Variants in DLGAP1 observed in about 807,000 individuals in gnomAD.
DLGAP1 encodes the protein DLG associated protein 1.
In DLGAP1, 11 loss-of-function variants were observed where a neutral mutation model predicts 90.8. That is an observed-to-expected ratio of 0.12 (90% confidence interval 0.08 to 0.20). DLGAP1 has a LOEUF of 0.20. Ranked by LOEUF, DLGAP1 falls within the 10% of genes least tolerant of loss-of-function variation. DLGAP1 has a pLI of 1.00. For synonymous variants in DLGAP1, 558 were observed against 540.7 expected (o/e 1.03, Z -0.44); for missense variants, 1,050 against 1,333.8 (o/e 0.79, Z 3.31).
chr18:4,311,878 G>T (rs2080408499), intron 1 of DLGAP1, among the ~76,000 whole-genome samples: 1 of 152,126 alleles, frequency 6.6e-6, no homozygotes, highest in Admixed American at 6.5e-5. Context: ...ACCACGCCCG[G>T]CTAATTTTTG....
chr18:3,745,461 G>T (rs2063229144), intron 5 of DLGAP1, among the ~76,000 whole-genome samples: 1 of 152,138 alleles, frequency 6.6e-6, no homozygotes, highest in Admixed American at 6.6e-5. Context: ...GAGAAAGAAG[G>T]CCAGTTAAGG....
intron 9 of DLGAP1, among the ~76,000 whole-genome samples, chr18:3,555,199 T>C (rs759256840): frequency 3.3e-5 from 5 of 152,162 alleles, no homozygotes; most frequent in Non-Finnish European, 7.3e-5. Context: ...TGTTTGACAA[T>C]GGATTTCTTT....
At chr18:3,635,277 C>T (rs958836095) in intron 7 of DLGAP1, among the ~76,000 whole-genome samples, 1 of 152,054 alleles carries the variant, frequency 6.6e-6, no homozygotes, top group Non-Finnish European at 1.5e-5. Flanking sequence ...ACTACAGGCG[C>T]CCGCCACCAC....
chr18:4,033,868 A>C (rs2074841127), intron 2 of DLGAP1, among the ~76,000 whole-genome samples: 1 of 150,094 alleles, frequency 6.7e-6, no homozygotes, highest in South Asian at 2.1e-4. Context: ...CCTCCCGAGT[A>C]GCCGGGACTA....
intron 7 of DLGAP1, among the ~76,000 whole-genome samples, chr18:3,713,211 T>A (rs1400191655): frequency 6.6e-6 from 1 of 152,206 alleles, no homozygotes; most frequent in Non-Finnish European, 1.5e-5. Flanking sequence ...CACAGCCGGA[T>A]CAGCTGAGCT....
At chr18:4,213,808 C>G (rs2077895557) in intron 1 of DLGAP1, among the ~76,000 whole-genome samples, 1 of 152,044 alleles carries the variant, frequency 6.6e-6, no homozygotes, top group African/African-American at 2.4e-5. Flanking sequence ...AGTGACAAGC[C>G]TGACAAGAAG....
intron 9 of DLGAP1, among the ~76,000 whole-genome samples, chr18:3,542,072 G>A (rs944707820): frequency 6.6e-6 from 1 of 152,170 alleles, no homozygotes; most frequent in East Asian, 1.9e-4. Context: ...CATATTTAAT[G>A]CCAGCATTTT....
At chr18:3,932,022 CATA>C in intron 3 of DLGAP1, among the ~76,000 whole-genome samples, 1 of 152,128 alleles carries the variant, frequency 6.6e-6, no homozygotes, top group East Asian at 1.9e-4. Context: ...GCACATCTCC[CATA>C]ATGAGGGCTG....
At chr18:3,900,581 TG>T (rs1296403824) in intron 3 of DLGAP1, among the ~76,000 whole-genome samples, 4 of 151,278 alleles carry the variant, frequency 2.6e-5, no homozygotes, top group Non-Finnish European at 5.9e-5. Context: ...ACAAAAGGAG[TG>T]GAAGAAAGCC....
chr18:3,885,113 G>C (rs947036580), intron 3 of DLGAP1, among the ~76,000 whole-genome samples: 1 of 152,200 alleles, frequency 6.6e-6, no homozygotes, highest in Non-Finnish European at 1.5e-5. Context: ...GTAGACAATT[G>C]CTGGTGGCAC....
chr18:4,067,915 T>C (rs2075392891), intron 2 of DLGAP1, among the ~76,000 whole-genome samples: 2 of 152,100 alleles, frequency 1.3e-5, no homozygotes, highest in South Asian at 2.1e-4. Flanking sequence ...ACCACCTTGG[T>C]TGTATGGTCT....
chr18:3,572,783 T>C (rs1384506457), intron 8 of DLGAP1, among the ~76,000 whole-genome samples: 3 of 152,216 alleles, frequency 2.0e-5, no homozygotes, highest in Middle Eastern at 3.2e-3. Flanking sequence ...CTTTTTATCA[T>C]GTTGATACTT....
At chr18:4,003,801 AAAAT>A (rs2074246742) in intron 3 of DLGAP1, among the ~76,000 whole-genome samples, 1 of 152,208 alleles carries the variant, frequency 6.6e-6, no homozygotes, top group South Asian at 2.1e-4. Context: ...TGTGCACAGA[AAAAT>A]AAAGGCGCTG....
chr18:4,296,204 G>C (rs1389436231), intron 1 of DLGAP1, among the ~76,000 whole-genome samples: 1 of 152,088 alleles, frequency 6.6e-6, no homozygotes, highest in African/African-American at 2.4e-5. Context: ...AATTAAGCAC[G>C]CAGCCTTCCT....
chr18:3,524,256 C>T (rs1280803191), intron 10 of DLGAP1, among the ~76,000 whole-genome samples: 1 of 150,970 alleles, frequency 6.6e-6, no homozygotes, highest in Non-Finnish European at 1.5e-5. Flanking sequence ...GCCTTGGTGA[C>T]AAAGTGAGAC....
chr18:4,450,878 T>C (rs2144908143), intron 1 of DLGAP1, among the ~76,000 whole-genome samples: 1 of 152,290 alleles, frequency 6.6e-6, no homozygotes, highest in African/African-American at 2.4e-5. Context: ...TGATATCTAG[T>C]TCACAATTAG....
intron 1 of DLGAP1, among the ~76,000 whole-genome samples, chr18:4,221,499 A>G (rs2078075628): frequency 6.6e-6 from 1 of 152,084 alleles, no homozygotes; most frequent in African/African-American, 2.4e-5. Context: ...GCTGCTTCCA[A>G]GAAGCAGCTT....
At chr18:3,605,412 C>T (rs1183051824) in intron 7 of DLGAP1, among the ~76,000 whole-genome samples, 1 of 152,146 alleles carries the variant, frequency 6.6e-6, no homozygotes, top group Non-Finnish European at 1.5e-5. Context: ...TTTTAAGTTC[C>T]AAGTGGGCAG....
chr18:3,830,146 C>G (rs1339323987), intron 4 of DLGAP1, among the ~76,000 whole-genome samples: 1 of 152,156 alleles, frequency 6.6e-6, no homozygotes, highest in Non-Finnish European at 1.5e-5. Flanking sequence ...TAGCAAGGTG[C>G]CTGGCATGTC....
Sources: gnomAD v4.1 joint callset for allele counts (sites outside exome capture counted in the v4.1 genomes callset) on GRCh38, gnomAD v4.1.1 for gene constraint, MANE v1.5 for transcripts, NCBI Gene and HGNC (gene_info 2026-07-23, HGNC 2026-07-21) for gene names.